GLIS3: variants seen among roughly 807,000 people sequenced by gnomAD.
GLIS3 encodes the protein GLIS family zinc finger 3.
Under a neutral mutation model 78.6 loss-of-function variants are expected in GLIS3, and 53 were observed. That is an observed-to-expected ratio of 0.67 (90% CI 0.54 to 0.85). The LOEUF (loss-of-function observed/expected upper bound fraction) is 0.85. Among genes scored for constraint, GLIS3 ranks in the 40% least tolerant of loss-of-function variants. The pLI is 0.00. For missense variants in GLIS3, 1,703 were observed against 1,231.1 expected (o/e 1.38, Z -5.74); for synonymous variants, 684 against 509.9 (o/e 1.34, Z -4.60).
At chr9:3,963,508 T>C (rs868417891) in intron 4 of GLIS3, among the ~76,000 whole-genome samples, 1 of 152,180 alleles carries the variant, frequency 6.6e-6, no homozygotes, top group Non-Finnish European at 1.5e-5. Context: ...CTTGGCCAAG[T>C]GGCTTCCCAT....
At chr9:3,830,772 A>C (rs16919734) in intron 9 of GLIS3, among the ~76,000 whole-genome samples, 5,402 of 152,244 alleles carry the variant, frequency 0.035, 335 homozygotes, top group African/African-American at 0.12. Context: ...CTTATTAAAG[A>C]AATGAACCAC....
At chr9:4,114,474 A>G (rs550313789) in intron 4 of GLIS3, among the ~76,000 whole-genome samples, 2 of 152,274 alleles carry the variant, frequency 1.3e-5, no homozygotes, top group Admixed American at 1.3e-4. Flanking sequence ...TTACCATCTC[A>G]GAAAAACTTA....
At chr9:4,311,034 G>A (rs952133061) in intron 2 of GLIS3, among the ~76,000 whole-genome samples, 1 of 152,232 alleles carries the variant, frequency 6.6e-6, no homozygotes. Context: ...TCTAAGGATG[G>A]GGACTTTATA....
chr9:3,920,964 A>C (rs1056038021), intron 6 of GLIS3, among the ~76,000 whole-genome samples: 8 of 152,188 alleles, frequency 5.3e-5, no homozygotes, highest in African/African-American at 1.9e-4. Flanking sequence ...TAGAGATTTG[A>C]AATGAGGAAA....
chr9:4,253,014 G>A (rs142993604), intron 2 of GLIS3, among the ~76,000 whole-genome samples: 99 of 152,326 alleles, frequency 6.5e-4, no homozygotes, highest in Non-Finnish European at 1.1e-3. Context: ...CCTGCCAGAT[G>A]CCAGCTGAAG....
intron 2 of GLIS3, among the ~76,000 whole-genome samples, chr9:4,130,400 T>C (rs1011565651): frequency 6.6e-6 from 1 of 152,218 alleles, no homozygotes; most frequent in Non-Finnish European, 1.5e-5. Flanking sequence ...GCACCTCTCA[T>C]CACAGGCCCA....
intron 2 of GLIS3, among the ~76,000 whole-genome samples, chr9:4,338,213 T>G (rs1190539067): frequency 1.3e-5 from 2 of 152,166 alleles, no homozygotes; most frequent in African/African-American, 4.8e-5. Flanking sequence ...TGCTGCTATG[T>G]GTTGGCAGTG....
intron 2 of GLIS3, among the ~76,000 whole-genome samples, chr9:4,218,379 C>T (rs1043659800): frequency 3.9e-5 from 6 of 152,082 alleles, no homozygotes; most frequent in Admixed American, 1.3e-4. Context: ...CCCGGGTTCA[C>T]GCCATTCTCC....
intron 2 of GLIS3, among the ~76,000 whole-genome samples, chr9:4,135,407 A>G (rs1400394605): frequency 2.0e-5 from 3 of 152,084 alleles, no homozygotes; most frequent in Admixed American, 6.6e-5. Context: ...TTCAAATATG[A>G]GTATGTATGT....
Position 4,118,710 on chromosome 9 carries a change from G to C in GLIS3, c.768C>G (p.Pro256=), listed in dbSNP as rs780057831. The change falls in exon 4 of 11, where the codon CCC becomes CCG. Residue 256 remains proline, a synonymous_variant. Transcript: ENST00000381971. The surrounding 1 kb of genome is among the most constrained non-coding windows in gnomAD (Gnocchi z 4.7). The part of the protein sequence containing the change: ...LDLGDLLSLP[P]GTSMSSNSVS... ...CACTATTGCTGGACATGGATGTCCC[G>C]GGAGGAAGGCTAAGGAGATCCCCTA... The C allele has an allele frequency of 1.9e-6, 3 of 1,613,936 alleles. No homozygotes were observed. Among genetic ancestry groups the C allele is most frequent in the African/African-American group, 2.7e-5 (2 of 74,882 alleles).
intron 4 of GLIS3, among the ~76,000 whole-genome samples, chr9:4,034,209 A>AG (rs1255014328): frequency 6.6e-6 from 1 of 152,160 alleles, no homozygotes; most frequent in Non-Finnish European, 1.5e-5. Context: ...GCAACACAGT[A>AG]GCACCTTGTC....
At chr9:4,397,308 A>G in the GLIS3 span, among the ~76,000 whole-genome samples, 1 of 151,024 alleles carries the variant, frequency 6.6e-6, no homozygotes, top group South Asian at 2.1e-4. Context: ...TACAGGCGTG[A>G]GCCACCACAC....
intron 4 of GLIS3, among the ~76,000 whole-genome samples, chr9:4,064,708 C>G (rs1336722150): frequency 2.0e-5 from 3 of 152,138 alleles, no homozygotes; most frequent in Non-Finnish European, 4.4e-5. Context: ...GCAGGAGAAT[C>G]ACCTGAAGCT....
At chr9:4,304,550 A>T (rs576187840), upstream of GLIS3, among the ~76,000 whole-genome samples, 4 of 152,296 alleles carry the variant, frequency 2.6e-5, no homozygotes, top group South Asian at 2.1e-4. Flanking sequence ...CAAAATAAAA[A>T]TATATACTAA....
chr9:4,290,148 G>T (rs1273402121), intron 1 of GLIS3, among the ~76,000 whole-genome samples: 1 of 152,056 alleles, frequency 6.6e-6, no homozygotes. Flanking sequence ...ATCATTAACA[G>T]ACCCATCTAG....
At chr9:3,998,159 A>G (rs562191410) in intron 4 of GLIS3, among the ~76,000 whole-genome samples, 2 of 152,278 alleles carry the variant, frequency 1.3e-5, no homozygotes, top group South Asian at 2.1e-4. Context: ...TTCTGCTCCA[A>G]AAAGATGATC....
At position 3,872,599 on chromosome 9, in the gene GLIS3, A is replaced by G. The variant is rs1821036564; in HGVS notation, c.2297+6828T>C. Among the ~76,000 whole-genome samples the G allele has an allele frequency of 2.0e-5, 3 of 152,220 alleles. No individual in the cohort carries two copies. The South Asian group carries it at 6.2e-4, about 32-fold the overall frequency. The stretch of plus-strand genomic sequence containing the variant: ...CTGATAAAAACCCTCAGATCTCATG[A>G]GACTTATGCACTACCAAGACAACAG... On this transcript the variant is annotated intron_variant, in intron 8 of 10. Coordinates refer to ENST00000381971, the MANE Select transcript of GLIS3 (RefSeq NM_001042413.2).
At chr9:3,991,634 G>A (rs1820245310) in intron 4 of GLIS3, among the ~76,000 whole-genome samples, 1 of 150,886 alleles carries the variant, frequency 6.6e-6, no homozygotes, top group Non-Finnish European at 1.5e-5. Flanking sequence ...GCTTATCTTG[G>A]GGTTACTGTC....
the GLIS3 span, among the ~76,000 whole-genome samples, chr9:4,431,106 A>G: frequency 7.7e-4 from 117 of 152,344 alleles, no homozygotes; most frequent in Non-Finnish European, 1.1e-3. Context: ...TTACTGACTC[A>G]GTTAAATCAC....
Sources: gnomAD v4.1 joint callset for allele counts (sites outside exome capture counted in the v4.1 genomes callset) on GRCh38, gnomAD v4.1.1 for gene constraint, Gnocchi (gnomAD v3.1) non-coding constraint, MANE v1.5 for transcripts, NCBI Gene and HGNC (gene_info 2026-07-23, HGNC 2026-07-21) for gene names.